Variants in PLGRKT observed in about 807,000 individuals in gnomAD.
The protein encoded by PLGRKT is plasminogen receptor with a C-terminal lysine, also known as plasminogen receptor (KT).
Under a neutral mutation model 18.5 loss-of-function variants are expected in PLGRKT, and 22 were observed. The observed-to-expected ratio is 1.19, with a 90% CI of 0.85 to 1.70. The LOEUF is 1.70. PLGRKT is among the 40% of genes most tolerant of loss of function. The pLI is 0.00. For synonymous variants in PLGRKT, 72 were observed against 52.8 expected, an observed-to-expected ratio of 1.36 and a Z score of -1.58; for missense variants, 235 against 174.4, an observed-to-expected ratio of 1.35 and a Z score of -1.96.
chr9:5,431,798 T>A (rs1390803841), intron 3 of PLGRKT, 99 bp downstream of exon 3: 8 of 651,170 alleles, frequency 1.2e-5, no homozygotes, highest in Non-Finnish European at 2.2e-5. Flanking sequence ...CAAAGAACAT[T>A]TTATTGTTGG....
At chr9:5,389,641 C>T (rs1817909853) in intron 3 of PLGRKT, among the ~76,000 whole-genome samples, 1 of 151,852 alleles carries the variant, frequency 6.6e-6, no homozygotes, top group Admixed American at 6.6e-5. Flanking sequence ...ACATGCTCAT[C>T]TTCTCTGCTT....
rs1331581289 is a variant in PLGRKT, at chr9:5,436,685, G to A, written c.-123C>T. The A allele has an allele frequency of 6.6e-6, 1 of 152,212 alleles. No homozygotes were observed. The highest frequency in any genetic ancestry group is 1.5e-5 in the Non-Finnish European group (1 of 68,050). 9.4% of individuals were successfully genotyped at this position (152,212 alleles called of 1,614,324 possible). A position where few individuals can be genotyped will look rare whatever the true frequency, so the allele number is the denominator to read the frequency against. On this transcript the variant is annotated 5_prime_UTR_variant, in exon 2 of 6. Transcript: ENST00000223864. ...AGCAGGAAGAAGAGCTTCCTTATGG[G>A]AAACCACACCTGAGAATAAATAAAT... is the stretch of plus-strand genomic sequence containing the variant.
At chr9:5,381,745 T>C in intron 3 of PLGRKT, 1 of 267,390 alleles carries the variant, frequency 3.7e-6, no homozygotes, top group Non-Finnish European at 5.8e-6. Context: ...GTTCTTCACT[T>C]GTTGCCTCTG....
intron 3 of PLGRKT, among the ~76,000 whole-genome samples, chr9:5,371,036 C>T (rs1483522526): frequency 1.3e-5 from 2 of 152,172 alleles, no homozygotes; most frequent in Non-Finnish European, 2.9e-5. Flanking sequence ...GTGGTAACAG[C>T]ATCTTATTAT....
At chr9:5,360,644 ATTTTG>A (rs751754070) in intron 5 of PLGRKT, among the ~76,000 whole-genome samples, 5 of 152,104 alleles carry the variant, frequency 3.3e-5, no homozygotes, top group Non-Finnish European at 5.9e-5. Context: ...CTGTAGCTGT[ATTTTG>A]TTTTGTCTGT....
At chr9:5,404,039 A>T (rs1039887303) in intron 3 of PLGRKT, among the ~76,000 whole-genome samples, 2 of 152,240 alleles carry the variant, frequency 1.3e-5, no homozygotes, top group African/African-American at 4.8e-5. Context: ...AGAAATGGGT[A>T]CATTCCTGGA....
intron 3 of PLGRKT, among the ~76,000 whole-genome samples, chr9:5,425,200 G>C (rs772103896): frequency 5.9e-4 from 89 of 152,102 alleles, no homozygotes; most frequent in Non-Finnish European, 1.1e-3. Context: ...AGCCACTCAG[G>C]TGACATAAAA....
In PLGRKT at chr9:5,420,991, T is replaced by G. The variant is rs1818565043; in HGVS notation, c.81+10906A>C. On this transcript the variant is annotated intron_variant, in intron 3 of 5. Transcript: ENST00000223864. ...TTTATGTATTTCAGAAAGCATTTAT[T>G]GAGCACACACTATATTTTATGTTGC... Among the ~76,000 whole-genome samples, 5 of 152,234 alleles carry G rather than the reference T, an allele frequency of 3.3e-5. No individual in the cohort carries two copies. The South Asian group carries it at 1.0e-3, about 31-fold the overall frequency.
chr9:5,393,186 T>A (rs1442501119), intron 3 of PLGRKT, among the ~76,000 whole-genome samples: 1 of 151,938 alleles, frequency 6.6e-6, no homozygotes, highest in Non-Finnish European at 1.5e-5. Context: ...TATAATAAGA[T>A]GACTTCACCC....
At chr9:5,430,808 A>G (rs1037979178) in intron 3 of PLGRKT, among the ~76,000 whole-genome samples, 2 of 152,256 alleles carry the variant, frequency 1.3e-5, no homozygotes, top group African/African-American at 4.8e-5. Flanking sequence ...TCTTAGGAAA[A>G]TAATTCGGGT....
chr9:5,383,828 G>C (rs1817790778), intron 3 of PLGRKT, among the ~76,000 whole-genome samples: 1 of 152,186 alleles, frequency 6.6e-6, no homozygotes, highest in African/African-American at 2.4e-5. Flanking sequence ...TTCCTAATGG[G>C]CCAATGACCA....
intron 3 of PLGRKT, among the ~76,000 whole-genome samples, chr9:5,393,998 T>C (rs1817997163): frequency 6.6e-6 from 1 of 151,830 alleles, no homozygotes; most frequent in African/African-American, 2.4e-5. Flanking sequence ...TCTCCTTCAG[T>C]TGGTGAATCT....
chr9:5,419,155 C>T (rs1818523573), intron 3 of PLGRKT, among the ~76,000 whole-genome samples: 1 of 152,210 alleles, frequency 6.6e-6, no homozygotes, highest in East Asian at 1.9e-4. Flanking sequence ...TCAGAGCCAG[C>T]AGCGGGGCAC....
upstream of PLGRKT, among the ~76,000 whole-genome samples, chr9:5,438,252 C>T (rs957808748): frequency 6.6e-6 from 1 of 152,214 alleles, no homozygotes; most frequent in African/African-American, 2.4e-5. Flanking sequence ...TCCCCTGCTG[C>T]TCAGAGAGAT....
At chr9:5,385,987 C>T (rs1263698469) in intron 3 of PLGRKT, among the ~76,000 whole-genome samples, 1 of 151,674 alleles carries the variant, frequency 6.6e-6, no homozygotes, top group Non-Finnish European at 1.5e-5. Flanking sequence ...TTCCTTATGT[C>T]AGACTTCATC....
At chr9:5,422,695 A>T (rs1818600831) in intron 3 of PLGRKT, among the ~76,000 whole-genome samples, 1 of 152,196 alleles carries the variant, frequency 6.6e-6, no homozygotes, top group African/African-American at 2.4e-5. Flanking sequence ...AAATATGGTT[A>T]TATCTATATC....
chr9:5,387,675 G>A (rs900524407), intron 3 of PLGRKT, among the ~76,000 whole-genome samples: 9 of 151,912 alleles, frequency 5.9e-5, no homozygotes, highest in Admixed American at 3.9e-4. Flanking sequence ...CCTGCGGGGG[G>A]GCTGGGAATG....
intron 3 of PLGRKT, among the ~76,000 whole-genome samples, chr9:5,424,575 ATTAC>A (rs1818649504): frequency 7.6e-6 from 1 of 132,386 alleles, no homozygotes; most frequent in Non-Finnish European, 1.5e-5. Context: ...TATAATATAT[ATTAC>A]TTATTATATT....
chr9:5,382,462 G>T (rs1817765529), intron 3 of PLGRKT, among the ~76,000 whole-genome samples: 1 of 152,338 alleles, frequency 6.6e-6, no homozygotes, highest in South Asian at 2.1e-4. Flanking sequence ...AGCACTTCAG[G>T]CAGAGGGAAC....
Sources: gnomAD v4.1 joint callset for allele counts (sites outside exome capture counted in the v4.1 genomes callset) on GRCh38, gnomAD v4.1.1 for gene constraint, MANE v1.5 for transcripts, NCBI Gene and HGNC (gene_info 2026-07-23, HGNC 2026-07-21) for gene names.